The following SPATA6 variants were observed in gnomAD, a reference collection of about 807,000 sequenced individuals.
SPATA6 encodes spermatogenesis associated 6.
A neutral mutation model predicts 65.3 loss-of-function variants in SPATA6; 56 were observed. That is an observed-to-expected ratio of 0.86 (90% CI 0.69 to 1.07). SPATA6 has a LOEUF of 1.07. Ranked by LOEUF, SPATA6 falls within the 50% of genes least tolerant of loss-of-function variation. The pLI, the probability that SPATA6 is intolerant of heterozygous loss-of-function variation, is 0.00. For missense variants in SPATA6, 590 were observed against 594.8 expected, an observed-to-expected ratio of 0.99 and a Z score of 0.08; for synonymous variants, 199 against 213.2, an observed-to-expected ratio of 0.93 and a Z score of 0.58.
intron 11 of SPATA6, among the ~76,000 whole-genome samples, chr1:48,311,433 A>T (rs1447692951): frequency 6.6e-6 from 1 of 152,184 alleles, no homozygotes; most frequent in African/African-American, 2.4e-5. Context: ...TAATTATAGA[A>T]TTGTCTAGAA....
chr1:48,281,801 C>A, the SPATA6 span, among the ~76,000 whole-genome samples: 2 of 152,120 alleles, frequency 1.3e-5, no homozygotes, highest in Non-Finnish European at 2.9e-5. Flanking sequence ...ATCAAGCTAC[C>A]AATGACTTTC....
chr1:48,368,196 T>G (rs188618586), intron 9 of SPATA6, among the ~76,000 whole-genome samples: 103 of 152,324 alleles, frequency 6.8e-4, no homozygotes, highest in African/African-American at 2.3e-3. Context: ...CCTCTGTGGG[T>G]AACCCGACCT....
chr1:48,438,532 G>A (rs1018138446), intron 3 of SPATA6, among the ~76,000 whole-genome samples: 14 of 152,106 alleles, frequency 9.2e-5, no homozygotes, highest in African/African-American at 3.1e-4. Flanking sequence ...AGGCTGAGCC[G>A]ACGGTCAACA....
At chr1:48,339,180 T>C (rs1484433674) in intron 11 of SPATA6, among the ~76,000 whole-genome samples, 1 of 151,972 alleles carries the variant, frequency 6.6e-6, no homozygotes, top group Non-Finnish European at 1.5e-5. Flanking sequence ...GTTAATAATT[T>C]GGAAAAACTG....
chr1:48,267,431 T>A, the SPATA6 span, among the ~76,000 whole-genome samples: 1 of 152,164 alleles, frequency 6.6e-6, no homozygotes, highest in Non-Finnish European at 1.5e-5. Context: ...AAAAATCGAA[T>A]CACACGTGGG....
chr1:48,344,656 T>C (rs970794802), intron 11 of SPATA6, among the ~76,000 whole-genome samples: 2 of 152,188 alleles, frequency 1.3e-5, no homozygotes, highest in Middle Eastern at 3.4e-3. Context: ...GTGACACACA[T>C]AGGCTTAAAA....
At chr1:48,273,825 T>C in the SPATA6 span, among the ~76,000 whole-genome samples, 1 of 152,182 alleles carries the variant, frequency 6.6e-6, no homozygotes, top group Non-Finnish European at 1.5e-5. Flanking sequence ...GTCTTTATAG[T>C]AGAATGATTT....
rs1644822632 is a variant in SPATA6 at position 48,296,925 on chromosome 1, CA to C, written c.*1787del. The C allele has an allele frequency of 6.6e-6, 1 of 152,042 alleles. No homozygotes were observed. Among genetic ancestry groups the C allele is most frequent in the Non-Finnish European group, 1.5e-5 (1 of 67,990 alleles). 9.4% of individuals were successfully genotyped at this position (152,042 alleles called of 1,614,324 possible). On this transcript the variant is annotated 3_prime_UTR_variant, in exon 13 of 13. Transcript: ENST00000371847. The stretch of plus-strand genomic sequence containing the variant: ...ATAAATATTTAAGGAACATCAATTA[CA>C]TGCCAGGCTGTCTACTAGATGCAGA...
intron 3 of SPATA6, among the ~76,000 whole-genome samples, chr1:48,440,203 G>T (rs774665274): frequency 6.6e-6 from 1 of 152,088 alleles, no homozygotes; most frequent in African/African-American, 2.4e-5. Flanking sequence ...AAGCTGTAGG[G>T]GGAGGGTAAT....
At chr1:48,470,568 A>G (rs190775816) in intron 1 of SPATA6, among the ~76,000 whole-genome samples, 200 of 152,280 alleles carry the variant, frequency 1.3e-3, no homozygotes, top group Admixed American at 5.6e-3. Context: ...GAAAATTTCT[A>G]CTTCACCACC....
intron 9 of SPATA6, among the ~76,000 whole-genome samples, chr1:48,370,006 C>A (rs1647187330): frequency 6.6e-6 from 1 of 152,138 alleles, no homozygotes. Flanking sequence ...AGTTTTTATA[C>A]CACACGTATG....
intron 9 of SPATA6, among the ~76,000 whole-genome samples, chr1:48,371,780 T>C (rs376738925): frequency 1.3e-5 from 2 of 152,060 alleles, no homozygotes; most frequent in African/African-American, 4.8e-5. Context: ...AGACTTACAG[T>C]TCCATATAGC....
intron 6 of SPATA6, among the ~76,000 whole-genome samples, chr1:48,401,519 C>G (rs969903081): frequency 2.0e-5 from 3 of 152,052 alleles, no homozygotes; most frequent in African/African-American, 7.2e-5. Flanking sequence ...CTTTGGACAA[C>G]AGGAAAATAG....
Position 48,296,339 on chromosome 1 carries a change from T to A in SPATA6, c.*2374A>T, listed in dbSNP as rs954860273. On this transcript the variant is annotated 3_prime_UTR_variant, in exon 13 of 13. Coordinates refer to ENST00000371847, the MANE Select transcript of SPATA6 (RefSeq NM_019073.4). The stretch of plus-strand genomic sequence containing the variant: ...TAGGGGATAGAAGATAATCAGACAC[T>A]TAGCAAAGATGCTATTAGTATCTGG... 6.6e-6 allele frequency: 1 copy of A among 152,182 alleles called. No homozygotes were observed. The highest frequency in any genetic ancestry group is 2.4e-5 in the African/African-American group (1 of 41,450). The allele number at this position is 152,182 out of a possible 1,614,324, so 9.4% of individuals were successfully genotyped here.
chr1:48,438,875 C>G (rs1449380095), intron 3 of SPATA6, among the ~76,000 whole-genome samples: 1 of 152,134 alleles, frequency 6.6e-6, no homozygotes, highest in South Asian at 2.1e-4. Context: ...TTGCCCAAAG[C>G]CCCATCAGGT....
chr1:48,350,302 C>CTT (rs545116914), intron 11 of SPATA6, among the ~76,000 whole-genome samples: 1 of 140,564 alleles, frequency 7.1e-6, no homozygotes, highest in South Asian at 2.2e-4. Context: ...GCTTTTCTTT[C>CTT]TTTTTTTTTT....
Position 48,391,309 on chromosome 1 carries a change from C to T in SPATA6, c.868+3958G>A, listed in dbSNP as rs916879392. ...GGAAGATCATTTGAACCAGGGAAGTCGAGGTTGCAGTGAGCCATGTTACAC... is the reference window on the plus strand; with the variant it reads ...GGAAGATCATTTGAACCAGGGAAGTTGAGGTTGCAGTGAGCCATGTTACAC... On this transcript the variant is annotated intron_variant, in intron 8 of 12. Transcript: ENST00000371847. 3.3e-5 allele frequency among the ~76,000 whole-genome samples: 5 copies of T among 150,854 alleles called. No individual in the cohort carries two copies. In the South Asian group the frequency reaches 6.3e-4, roughly 19 times the overall value.
chr1:48,325,660 C>T, intron 11 of SPATA6: 2 of 623,750 alleles, frequency 3.2e-6, no homozygotes, highest in Non-Finnish European at 6.0e-6. Context: ...CCTCTGGAAG[C>T]CCCAGTAAGC....
chr1:48,265,238 G>A, the SPATA6 span, among the ~76,000 whole-genome samples: 8 of 151,698 alleles, frequency 5.3e-5, no homozygotes, highest in East Asian at 1.9e-4. Context: ...TGAGAGATCC[G>A]GATACATCTT....
Sources: gnomAD v4.1 joint callset for allele counts (sites outside exome capture counted in the v4.1 genomes callset) on GRCh38, gnomAD v4.1.1 for gene constraint, MANE v1.5 for transcripts, NCBI Gene and HGNC (gene_info 2026-07-23, HGNC 2026-07-21) for gene names.